The following PCDH7 variants were observed in gnomAD, a reference collection of about 807,000 sequenced individuals.
PCDH7 encodes protocadherin 7, also known as protocadherin-7.
In PCDH7, 17 loss-of-function variants were observed where a neutral mutation model predicts 58.9. The observed-to-expected ratio is 0.29, with a 90% CI of 0.20 to 0.43. PCDH7 has a LOEUF of 0.43. Among genes scored for constraint, PCDH7 ranks in the 20% least tolerant of loss-of-function variants. PCDH7 has a pLI of 1.00. For missense variants in PCDH7, 1,274 were observed against 1,441.0 expected (o/e 0.88, Z 1.88); for synonymous variants, 664 against 616.4 (o/e 1.08, Z -1.14).
At chr4:31,100,996 A>G (rs1172069277) in intron 3 of PCDH7, among the ~76,000 whole-genome samples, 2 of 152,190 alleles carry the variant, frequency 1.3e-5, no homozygotes, top group African/African-American at 4.8e-5. Context: ...GTAATGAATC[A>G]TATTCAAAAT....
At chr4:30,927,158 C>G (rs1743975012) in intron 2 of PCDH7, among the ~76,000 whole-genome samples, 1 of 152,166 alleles carries the variant, frequency 6.6e-6, no homozygotes, top group Non-Finnish European at 1.5e-5. Flanking sequence ...TGAATTTCAG[C>G]ACTTGTTGAT....
At chr4:30,995,322 C>T (rs951484856) in intron 3 of PCDH7, among the ~76,000 whole-genome samples, 4 of 152,044 alleles carry the variant, frequency 2.6e-5, no homozygotes, top group Non-Finnish European at 5.9e-5. Flanking sequence ...TCCATCCTGG[C>T]TAACACGGTG....
At chr4:30,847,148 AAG>A (rs199512228) in intron 1 of PCDH7, among the ~76,000 whole-genome samples, 13 of 152,178 alleles carry the variant, frequency 8.5e-5, no homozygotes, top group African/African-American at 2.9e-4. Context: ...GTAAAAAAAA[AAG>A]AATGCATTTT....
chr4:30,842,154 C>T (rs1238439559), intron 1 of PCDH7, among the ~76,000 whole-genome samples: 1 of 152,136 alleles, frequency 6.6e-6, no homozygotes, highest in South Asian at 2.1e-4. Context: ...TTCCAGCTAT[C>T]TACAATATGA....
At chr4:30,992,202 C>T (rs1751514896) in intron 3 of PCDH7, among the ~76,000 whole-genome samples, 1 of 152,156 alleles carries the variant, frequency 6.6e-6, no homozygotes, top group African/African-American at 2.4e-5. Flanking sequence ...AAGTAAATAT[C>T]AGCATGTCAG....
chr4:30,905,357 G>A (rs574988036), intron 1 of PCDH7, among the ~76,000 whole-genome samples: 4 of 151,580 alleles, frequency 2.6e-5, no homozygotes, highest in Non-Finnish European at 4.4e-5. Context: ...TAGGTTTATC[G>A]ACCTCATTCA....
chr4:30,722,284 C>A lies in PCDH7; in HGVS notation c.862C>A (p.Arg288Ser), dbSNP rs780614496. ...AGTGCGCGACGGCGGCGACCCGCCT[C>A]GCTCCTCGCAGGCCATCCTACGGGT... The change falls in exon 1 of 2, where the codon CGC (arginine) becomes AGC (serine). Residue 288 changes from arginine (R) to serine (S), a missense_variant. Arg to Ser is a moderately radical substitution (Grantham distance 110, BLOSUM62 -1). Coordinates refer to ENST00000361762, the Ensembl canonical transcript of PCDH7. The surrounding 1 kb of genome is among the most constrained non-coding windows in gnomAD (Gnocchi z 7.6). The A allele has an allele frequency of 6.2e-7, 1 of 1,603,240 alleles. No individual in the cohort carries two copies. Among genetic ancestry groups the A allele is most frequent in the East Asian group, 2.3e-5 (1 of 44,326 alleles).
intron 1 of PCDH7, among the ~76,000 whole-genome samples, chr4:30,840,181 G>T (rs1457029408): frequency 6.6e-6 from 1 of 151,742 alleles, no homozygotes; most frequent in Non-Finnish European, 1.5e-5. Context: ...TTATCTGCCT[G>T]CTAGGATTTC....
chr4:30,974,625 A>G (rs1749901854), intron 3 of PCDH7, among the ~76,000 whole-genome samples: 1 of 152,216 alleles, frequency 6.6e-6, no homozygotes, highest in Admixed American at 6.5e-5. Flanking sequence ...ATAATTAACC[A>G]AAATATCCGG....
intron 1 of PCDH7, among the ~76,000 whole-genome samples, chr4:30,882,610 C>A (rs1007713755): frequency 6.6e-6 from 1 of 152,046 alleles, no homozygotes; most frequent in African/African-American, 2.4e-5. Flanking sequence ...TTCTTCGTAC[C>A]AGTTGGTAAA....
At chr4:31,129,504 G>T (rs1252979835) in intron 3 of PCDH7, among the ~76,000 whole-genome samples, 1 of 152,156 alleles carries the variant, frequency 6.6e-6, no homozygotes, top group African/African-American at 2.4e-5. Context: ...AGGCTCTTTT[G>T]TGCTAAAATA....
At chr4:30,763,443 C>G (rs963579162) in intron 1 of PCDH7, among the ~76,000 whole-genome samples, 1 of 152,152 alleles carries the variant, frequency 6.6e-6, no homozygotes, top group Non-Finnish European at 1.5e-5. Flanking sequence ...ATGTCAACAG[C>G]TCTCTTAAAT....
intron 3 of PCDH7, among the ~76,000 whole-genome samples, chr4:31,087,244 C>T (rs1432413900): frequency 1.3e-5 from 2 of 152,064 alleles, no homozygotes; most frequent in African/African-American, 2.4e-5. Context: ...TCTTTTTACT[C>T]ATTGTGGTGT....
chr4:31,063,312 A>T (rs188661312), intron 3 of PCDH7, among the ~76,000 whole-genome samples: 6 of 152,018 alleles, frequency 3.9e-5, no homozygotes, highest in African/African-American at 1.4e-4. Context: ...TATATAATAC[A>T]TCTTCTTTCT....
At chr4:30,893,007 C>G (rs909702920) in intron 1 of PCDH7, among the ~76,000 whole-genome samples, 5 of 151,964 alleles carry the variant, frequency 3.3e-5, no homozygotes, top group African/African-American at 1.2e-4. Flanking sequence ...CAACAGCTGC[C>G]TCTGCATCAA....
At chr4:30,839,672 C>T (rs1730962795) in intron 1 of PCDH7, among the ~76,000 whole-genome samples, 1 of 151,970 alleles carries the variant, frequency 6.6e-6, no homozygotes, top group Non-Finnish European at 1.5e-5. Flanking sequence ...ACAAAGTCAT[C>T]AAAACAAACC....
intron 3 of PCDH7, among the ~76,000 whole-genome samples, chr4:30,968,319 C>CACACTA (rs369540529): frequency 0.47 from 39,082 of 82,436 alleles, 9,034 homozygotes; most frequent in African/African-American, 0.61. Context: ...TATATATACA[C>CACACTA]TATATATATA....
At chr4:30,782,987 G>C (rs1204347757) in intron 1 of PCDH7, 1 of 152,096 alleles carries the variant, frequency 6.6e-6, no homozygotes, top group South Asian at 2.1e-4. Context: ...GGTGTTTCTT[G>C]AGCCCCATCA....
At chr4:31,110,676 G>A (rs1262352961) in intron 3 of PCDH7, among the ~76,000 whole-genome samples, 3 of 152,104 alleles carry the variant, frequency 2.0e-5, no homozygotes, top group East Asian at 3.9e-4. Context: ...AGCGCTTTAG[G>A]AGGCCGAGTC....
Sources: allele counts gnomAD v4.1 joint callset (sites outside exome capture counted in the v4.1 genomes callset), GRCh38; gene constraint gnomAD v4.1.1; non-coding constraint Gnocchi (gnomAD v3.1); transcripts MANE v1.5; gene names NCBI Gene and HGNC (gene_info 2026-07-23, HGNC 2026-07-21).